The following FUT8 variants were observed in gnomAD, a reference collection of about 807,000 sequenced individuals.
FUT8 encodes fucosyltransferase 8.
A neutral mutation model predicts 71.3 loss-of-function variants in FUT8; 29 were observed. The ratio of observed to expected loss-of-function variants is 0.41; its 90% confidence interval spans 0.30 to 0.55. The LOEUF is 0.55. Ranked by LOEUF, FUT8 falls within the 20% of genes least tolerant of loss-of-function variation. The pLI is 0.34. For synonymous variants in FUT8, 254 were observed against 239.3 expected (o/e 1.06, Z -0.57); for missense variants, 544 against 702.1 (o/e 0.77, Z 2.55).
At position 65,575,866 on chromosome 14, in the gene FUT8, C is replaced by T. The variant is rs149986908; in HGVS notation, c.203+14100C>T. 4.6e-4 allele frequency among the ~76,000 whole-genome samples: 70 copies of T among 152,182 alleles called. 1 individual carries two copies. In the East Asian group the frequency reaches 0.013, roughly 28 times the overall value. On this transcript the variant is annotated intron_variant, in intron 3 of 10. Transcript: ENST00000673929. ...AACTCCTGGCTTCAATTGATCTGCC[C>T]GCCTTGGCCTCCCCAAGTGCTAAGA...
chr14:65,475,113 A>G (rs537212760), intron 2 of FUT8, among the ~76,000 whole-genome samples: 18 of 152,224 alleles, frequency 1.2e-4, no homozygotes, highest in South Asian at 8.3e-4. Context: ...CTTTCCCCCA[A>G]TCTTGTCTCG....
At position 65,603,586 on chromosome 14, in the gene FUT8, AC is replaced by A. The variant is rs1888421870; in HGVS notation, c.204-12390del. On this transcript the variant is annotated intron_variant, in intron 3 of 10. Coordinates refer to ENST00000673929, the MANE Select transcript of FUT8 (RefSeq NM_001371533.1). This position sits in a 1 kb window ranked among gnomAD's most constrained non-coding sequence, Gnocchi z 4.5. ...TGGCGGTATGGCAATTTTCACAATG[AC>A]CATAAGCTCATTTTCTAATTGAGCT... is the stretch of plus-strand genomic sequence containing the variant. Among the ~76,000 whole-genome samples, 1 of 151,682 alleles carries A rather than the reference AC, an allele frequency of 6.6e-6. No individual in the cohort carries two copies. Among genetic ancestry groups the A allele is most frequent in the African/African-American group, 2.4e-5 (1 of 41,356 alleles).
chr14:65,656,750 C>T (rs1236268652), intron 6 of FUT8, among the ~76,000 whole-genome samples: 1 of 152,102 alleles, frequency 6.6e-6, no homozygotes, highest in South Asian at 2.1e-4. Flanking sequence ...CACTGCCTGA[C>T]TTCAAATTAT....
At chr14:65,544,561 T>C (rs1202545790) in intron 2 of FUT8, among the ~76,000 whole-genome samples, 1 of 152,166 alleles carries the variant, frequency 6.6e-6, no homozygotes, top group African/African-American at 2.4e-5. Context: ...AAGGTACAGA[T>C]GGCAAGTCCA....
At chr14:65,498,055 A>G (rs2066587737) in intron 2 of FUT8, among the ~76,000 whole-genome samples, 1 of 152,200 alleles carries the variant, frequency 6.6e-6, no homozygotes, top group Non-Finnish European at 1.5e-5. Context: ...ATATTATTTA[A>G]TGAAAGAATA....
Position 65,669,211 on chromosome 14 carries a change from T to G in FUT8, c.598-32T>G. Reference sequence around the variant, plus strand: ...GCAGTTGACCTCTCTGTACAACTTATCTTTATTTTCATTTCTCTTTCTCCC... The same window carrying G: ...GCAGTTGACCTCTCTGTACAACTTAGCTTTATTTTCATTTCTCTTTCTCCC... On this transcript the variant is annotated intron_variant, in intron 6 of 10. Transcript: ENST00000673929. The surrounding 1 kb of genome is among the most constrained non-coding windows in gnomAD (Gnocchi z 4.5). 1 of 1,549,360 alleles carries G rather than the reference T, an allele frequency of 6.5e-7. No homozygotes were observed. The highest frequency in any genetic ancestry group is 8.9e-7 in the Non-Finnish European group (1 of 1,125,178).
intron 7 of FUT8, among the ~76,000 whole-genome samples, chr14:65,714,047 T>C (rs372368648): frequency 3.9e-5 from 6 of 152,352 alleles, no homozygotes. Flanking sequence ...GATTTGTGTA[T>C]ATGGTGAGAG....
In FUT8 at chr14:65,467,721, G is replaced by C; in HGVS notation, c.-228+12003G>C. 2.2e-6 allele frequency: 1 copy of C among 447,924 alleles called. No individual in the cohort carries two copies. Among genetic ancestry groups the C allele is most frequent in the Non-Finnish European group, 4.2e-6 (1 of 238,114 alleles). 27.7% of individuals were successfully genotyped at this position (447,924 alleles called of 1,614,324 possible). On this transcript the variant is annotated intron_variant, in intron 2 of 10. Coordinates refer to ENST00000673929, the MANE Select transcript of FUT8 (RefSeq NM_001371533.1). This position sits in a 1 kb window ranked among gnomAD's most constrained non-coding sequence, Gnocchi z 4.1. ...GAACTCCTGACCTCATGGTCTGCCC[G>C]CCTCAGCCTCCCAAAGTGCTGGGAT... is the stretch of plus-strand genomic sequence containing the variant.
chr14:65,487,311 C>A (rs909762648), intron 2 of FUT8, among the ~76,000 whole-genome samples: 15 of 152,232 alleles, frequency 9.9e-5, no homozygotes, highest in Admixed American at 4.6e-4. Context: ...CGCCTGTAAT[C>A]CCAGCACTTT....
intron 5 of FUT8, among the ~76,000 whole-genome samples, chr14:65,623,352 TAAAAC>T (rs1889726965): frequency 1.3e-5 from 2 of 152,102 alleles, no homozygotes; most frequent in South Asian, 4.1e-4. Flanking sequence ...ATAAGGAACA[TAAAAC>T]ATAACCAATT....
chr14:65,729,401 G>A (rs1306082138), intron 9 of FUT8, among the ~76,000 whole-genome samples: 2 of 151,996 alleles, frequency 1.3e-5, no homozygotes, highest in Non-Finnish European at 2.9e-5. Context: ...CTAATATTAG[G>A]CAGTCAGCTT....
At chr14:65,573,999 C>T (rs1011023597) in intron 3 of FUT8, among the ~76,000 whole-genome samples, 1 of 152,136 alleles carries the variant, frequency 6.6e-6, no homozygotes, top group Non-Finnish European at 1.5e-5. Context: ...TTTGGGGTCC[C>T]TCACAAAGGT....
At chr14:65,391,970 T>C in the FUT8 span, among the ~76,000 whole-genome samples, 1 of 152,162 alleles carries the variant, frequency 6.6e-6, no homozygotes. Context: ...TTTGCTCTTG[T>C]TGGCCAGGCT....
At chr14:65,633,954 C>T (rs967077212) in intron 6 of FUT8, among the ~76,000 whole-genome samples, 3 of 151,544 alleles carry the variant, frequency 2.0e-5, no homozygotes, top group Admixed American at 6.6e-5. Flanking sequence ...GGGGTCAGCC[C>T]CTGCCCGGCT....
At chr14:65,394,177 T>C in the FUT8 span, among the ~76,000 whole-genome samples, 3,626 of 152,234 alleles carry the variant, frequency 0.024, 135 homozygotes, top group African/African-American at 0.083. Flanking sequence ...CAGGCTAGTA[T>C]TGAACTCCCA....
At chr14:65,525,184 G>T (rs146586463) in intron 2 of FUT8, among the ~76,000 whole-genome samples, 2 of 151,718 alleles carry the variant, frequency 1.3e-5, no homozygotes. Context: ...TTGTGAATCC[G>T]TCTGGTCCTG....
At chr14:65,453,390 T>C (rs2065854999) in intron 1 of FUT8, among the ~76,000 whole-genome samples, 1 of 152,232 alleles carries the variant, frequency 6.6e-6, no homozygotes, top group African/African-American at 2.4e-5. Flanking sequence ...TTTTAATCTT[T>C]GTTAAGTGTA....
chr14:65,738,260 G>A (rs1229143299), intron 10 of FUT8, among the ~76,000 whole-genome samples: 2 of 151,984 alleles, frequency 1.3e-5, no homozygotes, highest in Non-Finnish European at 2.9e-5. Context: ...AGATCTCTCA[G>A]CCACTTCCAA....
At chr14:65,517,979 T>C (rs1478971419) in intron 2 of FUT8, among the ~76,000 whole-genome samples, 1 of 152,168 alleles carries the variant, frequency 6.6e-6, no homozygotes, top group Admixed American at 6.5e-5. Context: ...TTTTAAAGGC[T>C]AAAACTTTGA....
Sources: allele counts gnomAD v4.1 joint callset (sites outside exome capture counted in the v4.1 genomes callset), GRCh38; gene constraint gnomAD v4.1.1; non-coding constraint Gnocchi (gnomAD v3.1); transcripts MANE v1.5; gene names NCBI Gene and HGNC (gene_info 2026-07-23, HGNC 2026-07-21).